Variants in STRN observed in about 807,000 individuals in gnomAD.
The protein encoded by STRN is protein phosphatase 2 regulatory subunit B'''alpha.
A neutral mutation model predicts 96.3 loss-of-function variants in STRN; 53 were observed. The ratio of observed to expected loss-of-function variants is 0.55; its 90% CI spans 0.44 to 0.69. The LOEUF is 0.69. STRN is among the 30% of genes least tolerant of loss of function. The pLI, the probability that STRN is intolerant of heterozygous loss-of-function variation, is 0.00. For synonymous variants in STRN, 428 were observed against 355.9 expected (o/e 1.20, Z -2.28); for missense variants, 987 against 963.9 (o/e 1.02, Z -0.32).
chr2:36,916,012 T>C lies in STRN; in HGVS notation c.412+66A>G, dbSNP rs1670088529. On this transcript the variant is annotated intron_variant, in intron 3 of 17. Transcript: ENST00000263918. ...TTAGAAAGTAACTTACAGTTGTAAA[T>C]GCTGCTAGAAAATACTAGACATTAA... The C allele has an allele frequency of 9.5e-6, 13 of 1,366,464 alleles. No individual in the cohort carries two copies. In the South Asian group the frequency reaches 1.4e-4, roughly 15 times the overall value. The allele number at this position is 1,366,464 out of a possible 1,614,324, so 84.6% of individuals were successfully genotyped here. A position where few individuals can be genotyped will look rare whatever the true frequency, so the allele number is the denominator to read the frequency against.
At chr2:36,885,942 T>A (rs1303085935) in intron 8 of STRN, among the ~76,000 whole-genome samples, 2 of 152,110 alleles carry the variant, frequency 1.3e-5, no homozygotes, top group Non-Finnish European at 2.9e-5. Flanking sequence ...CTTGTTCCCC[T>A]AAGAAGATGA....
chr2:36,882,789 A>G (rs1669108883), intron 9 of STRN, among the ~76,000 whole-genome samples: 1 of 152,018 alleles, frequency 6.6e-6, no homozygotes, highest in Admixed American at 6.6e-5. Flanking sequence ...CAAACAAAAA[A>G]CAAAACAAAC....
chr2:36,841,421 C>A lies in STRN; in HGVS notation c.*8035G>T, dbSNP rs1009653551. The A allele has an allele frequency of 3.3e-5, 5 of 152,048 alleles. No individual in the cohort carries two copies. Among genetic ancestry groups the A allele is most frequent in the African/African-American group, 1.2e-4 (5 of 41,400 alleles). 9.4% of individuals were successfully genotyped at this position (152,048 alleles called of 1,614,324 possible). Reference sequence around the variant, plus strand: ...TGTTGGGGAGGGTATTATTCACAAACAACTGTCAAAAGATATGAGACCACC... The same window carrying A: ...TGTTGGGGAGGGTATTATTCACAAAAAACTGTCAAAAGATATGAGACCACC... On this transcript the variant is annotated 3_prime_UTR_variant, in exon 18 of 18. Coordinates refer to ENST00000263918, the MANE Select transcript of STRN (RefSeq NM_003162.4).
intron 12 of STRN, among the ~76,000 whole-genome samples, chr2:36,863,794 A>G (rs183236065): frequency 1.3e-5 from 2 of 152,238 alleles, no homozygotes; most frequent in Admixed American, 1.3e-4. Flanking sequence ...ATGAGCATGG[A>G]ATGTTTTTCC....
rs1667992483 is a variant in STRN at position 36,843,338 on chromosome 2, T to A, written c.*6118A>T. On this transcript the variant is annotated 3_prime_UTR_variant, in exon 18 of 18. Coordinates refer to ENST00000263918, the MANE Select transcript of STRN (RefSeq NM_003162.4). ...GTGAGTTCTGGGCAGGCCAAAGGCCTTGAAAAATAATGTTGATTTGAAGGG... is the reference window on the plus strand; with the variant it reads ...GTGAGTTCTGGGCAGGCCAAAGGCCATGAAAAATAATGTTGATTTGAAGGG... Among the ~76,000 whole-genome samples the A allele has an allele frequency of 6.6e-6, 1 of 152,190 alleles. No homozygotes were observed. Among genetic ancestry groups the A allele is most frequent in the African/African-American group, 2.4e-5 (1 of 41,448 alleles).
intron 1 of STRN, among the ~76,000 whole-genome samples, chr2:36,930,880 A>G (rs1362806557): frequency 2.6e-5 from 4 of 151,894 alleles, no homozygotes; most frequent in Non-Finnish European, 5.9e-5. Context: ...CTAAAAATAT[A>G]AAAAAATTAG....
chr2:36,921,501 G>T (rs944301184), intron 2 of STRN, among the ~76,000 whole-genome samples: 4 of 152,046 alleles, frequency 2.6e-5, no homozygotes, highest in African/African-American at 2.4e-5. Flanking sequence ...TTCTCATCAT[G>T]CGTCCCCTTC....
chr2:36,960,403 C>T (rs540012313), intron 1 of STRN, among the ~76,000 whole-genome samples: 1 of 152,274 alleles, frequency 6.6e-6, no homozygotes, highest in South Asian at 2.1e-4. Context: ...TATTACACTG[C>T]ATGGCCTCAG....
intron 1 of STRN, among the ~76,000 whole-genome samples, chr2:36,965,682 A>G (rs1253267401): frequency 2.0e-5 from 3 of 152,194 alleles, no homozygotes; most frequent in African/African-American, 7.2e-5. Context: ...AGACATTTAC[A>G]TATATAAAAA....
At chr2:36,934,535 T>C (rs1670654300) in intron 1 of STRN, among the ~76,000 whole-genome samples, 1 of 152,242 alleles carries the variant, frequency 6.6e-6, no homozygotes, top group Non-Finnish European at 1.5e-5. Flanking sequence ...AGAGTTAACA[T>C]GTTTTAAACC....
At chr2:36,881,662 G>C (rs1010605081) in intron 9 of STRN, among the ~76,000 whole-genome samples, 1 of 152,174 alleles carries the variant, frequency 6.6e-6, no homozygotes, top group East Asian at 1.9e-4. Context: ...TTCAATGCTT[G>C]AGTTTTAAAG....
chr2:36,878,359 C>T (rs1441092906), intron 9 of STRN, among the ~76,000 whole-genome samples: 1 of 152,110 alleles, frequency 6.6e-6, no homozygotes, highest in Non-Finnish European at 1.5e-5. Flanking sequence ...ATTACCTAAA[C>T]AATTTCTATT....
chr2:36,891,806 G>C (rs560921284), intron 7 of STRN, among the ~76,000 whole-genome samples: 1 of 152,126 alleles, frequency 6.6e-6, no homozygotes, highest in Non-Finnish European at 1.5e-5. Flanking sequence ...AACTTATCTA[G>C]GAGAGTTTTC....
intron 2 of STRN, among the ~76,000 whole-genome samples, chr2:36,922,761 T>G (rs1250952230): frequency 6.6e-6 from 1 of 152,194 alleles, no homozygotes; most frequent in African/African-American, 2.4e-5. Flanking sequence ...TTCCTGCACC[T>G]TGTCTGTCTG....
chr2:36,874,271 A>T (rs1473453631), intron 10 of STRN, among the ~76,000 whole-genome samples: 1 of 152,056 alleles, frequency 6.6e-6, no homozygotes, highest in Non-Finnish European at 1.5e-5. Context: ...CTCAAAAAAA[A>T]AAAAAAGAGC....
intron 1 of STRN, among the ~76,000 whole-genome samples, chr2:36,943,776 C>T (rs1159765771): frequency 6.6e-6 from 1 of 151,480 alleles, no homozygotes; most frequent in Non-Finnish European, 1.5e-5. Context: ...TGCACTCCAG[C>T]ATGGACGACA....
chr2:36,886,977 C>G, intron 7 of STRN, 151 bp from the exon 8 acceptor site: 2 of 516,596 alleles, frequency 3.9e-6, no homozygotes, highest in Non-Finnish European at 6.6e-6. Flanking sequence ...ATAAGTCACA[C>G]AAAAAAATAT....
chr2:36,906,582 T>C (rs758306839), intron 3 of STRN, among the ~76,000 whole-genome samples: 3 of 152,052 alleles, frequency 2.0e-5, no homozygotes, highest in Non-Finnish European at 4.4e-5. Flanking sequence ...AGAGCAGATA[T>C]ATAACAACCT....
chr2:36,943,282 C>T (rs1327431969), intron 1 of STRN, among the ~76,000 whole-genome samples: 1 of 151,922 alleles, frequency 6.6e-6, no homozygotes, highest in African/African-American at 2.4e-5. Flanking sequence ...GTGTGAACAA[C>T]TGCTGAATTC....
Sources: gnomAD v4.1 joint callset for allele counts (sites outside exome capture counted in the v4.1 genomes callset) on GRCh38, gnomAD v4.1.1 for gene constraint, MANE v1.5 for transcripts, NCBI Gene and HGNC (gene_info 2026-07-23, HGNC 2026-07-21) for gene names.